Variants in DNMBP observed in about 807,000 individuals in gnomAD.
The protein encoded by DNMBP is dynamin-binding protein.
A neutral mutation model predicts 150.0 loss-of-function variants in DNMBP; 87 were observed. The observed-to-expected ratio is 0.58, with a 90% CI of 0.49 to 0.69. DNMBP has a LOEUF of 0.69. Among genes scored for constraint, DNMBP ranks in the 30% least tolerant of loss-of-function variants. DNMBP has a pLI of 0.00. For missense variants in DNMBP, 1,774 were observed against 1,949.0 expected (o/e 0.91, Z 1.69); for synonymous variants, 711 against 750.4 (o/e 0.95, Z 0.86).
chr10:99,886,150 C>G, intron 13 of DNMBP, 150 bp downstream of exon 13: 4 of 757,912 alleles, frequency 5.3e-6, no homozygotes, highest in Non-Finnish European at 8.3e-6. Context: ...ATGACACCAT[C>G]AAGGGATTAA....
At chr10:99,878,071 C>T (rs1590204543) in intron 16 of DNMBP, among the ~76,000 whole-genome samples, 1 of 152,228 alleles carries the variant, frequency 6.6e-6, no homozygotes, top group Non-Finnish European at 1.5e-5. Context: ...CCACTGCACT[C>T]CAGCCTGGGC....
intron 4 of DNMBP, chr10:99,930,484 G>C: frequency 1.4e-6 from 1 of 702,872 alleles, no homozygotes. Context: ...TGACCTCCGT[G>C]GTACACACAG....
intron 7 of DNMBP, among the ~76,000 whole-genome samples, chr10:99,899,156 T>A (rs1300277415): frequency 6.6e-6 from 1 of 150,596 alleles, no homozygotes; most frequent in Non-Finnish European, 1.5e-5. Flanking sequence ...ACCACTGCAT[T>A]CCAGCCTGGA....
intron 3 of DNMBP, 109 bp from the exon 4 acceptor site, chr10:99,957,314 T>G: frequency 2.1e-6 from 2 of 947,784 alleles, no homozygotes; most frequent in Admixed American, 5.2e-5. Flanking sequence ...TTCAAGGAAA[T>G]ACACCTAGAG....
intron 11 of DNMBP, among the ~76,000 whole-genome samples, chr10:99,893,561 C>A (rs2039607901): frequency 6.6e-6 from 1 of 152,196 alleles, no homozygotes; most frequent in Non-Finnish European, 1.5e-5. Flanking sequence ...TGATGACACC[C>A]CGTCTCTATT....
At chr10:99,921,704 A>T (rs2040024174) in intron 4 of DNMBP, among the ~76,000 whole-genome samples, 1 of 151,626 alleles carries the variant, frequency 6.6e-6, no homozygotes, top group Non-Finnish European at 1.5e-5. Context: ...AAAAAAAAAA[A>T]AATACAAAAA....
intron 12 of DNMBP, among the ~76,000 whole-genome samples, chr10:99,887,742 C>A (rs1191579924): frequency 6.6e-6 from 1 of 152,110 alleles, no homozygotes; most frequent in Non-Finnish European, 1.5e-5. Context: ...ACTATCAAAC[C>A]CCATCCAGTT....
chr10:99,950,111 C>T (rs185399692), intron 4 of DNMBP, among the ~76,000 whole-genome samples: 61 of 152,220 alleles, frequency 4.0e-4, no homozygotes, highest in African/African-American at 1.4e-3. Context: ...CAGGTCTTTC[C>T]TGTGCTGTTC....
intron 13 of DNMBP, 116 bp from the exon 14 acceptor site, chr10:99,885,982 T>C: frequency 9.5e-7 from 1 of 1,050,544 alleles, no homozygotes; most frequent in East Asian, 2.6e-5. Context: ...TTAGAACCAC[T>C]GGAAGCTAAA....
chr10:99,913,215 C>A (rs1375423521), intron 4 of DNMBP, among the ~76,000 whole-genome samples: 1 of 152,082 alleles, frequency 6.6e-6, no homozygotes, highest in African/African-American at 2.4e-5. Flanking sequence ...GAAAAAGAAG[C>A]TTTGAATCTT....
chr10:99,909,620 T>C (rs1375957404), intron 4 of DNMBP, among the ~76,000 whole-genome samples: 2 of 152,128 alleles, frequency 1.3e-5, no homozygotes, highest in Non-Finnish European at 2.9e-5. Context: ...AATAAGAAAT[T>C]ATCCATCTGA....
At position 99,975,359 on chromosome 10, in the gene DNMBP, C is replaced by CA. The variant is rs5787365; in HGVS notation, c.-10-3226dup. ...GGGCAACAAGAGCAAAACTATGTCT[C>CA]AAAAAAAAAAAAAATTATATCCAAG... is the stretch of plus-strand genomic sequence containing the variant. On this transcript the variant is annotated intron_variant, in intron 1 of 16. Coordinates refer to ENST00000324109, the MANE Select transcript of DNMBP (RefSeq NM_015221.4). 7.7e-4 allele frequency among the ~76,000 whole-genome samples: 107 copies of CA among 139,556 alleles called. 1 individual carries two copies. The highest frequency in any genetic ancestry group is 2.5e-3 in the South Asian group (11 of 4,376). The allele number at this position is 139,556 out of a possible 152,430, so 91.6% of individuals were successfully genotyped here.
intron 1 of DNMBP, among the ~76,000 whole-genome samples, chr10:99,998,788 A>T (rs1026287133): frequency 2.6e-5 from 4 of 152,096 alleles, no homozygotes; most frequent in African/African-American, 9.7e-5. Flanking sequence ...ATAAAAGGGA[A>T]TCCTATTTTT....
At chr10:99,961,789 A>G (rs1398704880) in intron 3 of DNMBP, among the ~76,000 whole-genome samples, 6 of 149,592 alleles carry the variant, frequency 4.0e-5, no homozygotes, top group African/African-American at 1.5e-4. Context: ...TCCTATTCTT[A>G]TTACCCAAAA....
At chr10:99,880,997 G>T (rs551068921) in intron 15 of DNMBP, among the ~76,000 whole-genome samples, 1 of 152,214 alleles carries the variant, frequency 6.6e-6, no homozygotes, top group South Asian at 2.1e-4. Flanking sequence ...TGGCTGAGGA[G>T]GGCAGATCAC....
intron 1 of DNMBP, among the ~76,000 whole-genome samples, chr10:100,001,233 TAAAAAAAAAAAAAAAAAAAAAAA>T (rs71009800): frequency 0.32 from 7,011 of 21,710 alleles, 590 homozygotes; most frequent in East Asian, 0.58. Context: ...TCCGTCTCAT[TAAAAAAAAAAAAAAAAAAAAAAA>T]AAAAAAAAAA....
At chr10:99,961,408 G>A (rs1333308797) in intron 3 of DNMBP, among the ~76,000 whole-genome samples, 1 of 142,320 alleles carries the variant, frequency 7.0e-6, no homozygotes, top group African/African-American at 2.6e-5. Context: ...CTAAGTAGCT[G>A]AGACTACAGG....
In DNMBP at chr10:99,909,291, G is replaced by A. The variant is rs79636449; in HGVS notation, c.2261-145C>T. 1.5e-3 allele frequency: 968 copies of A among 652,020 alleles called. 7 individuals are homozygous for A. The African/African-American group carries it at 0.015, about 10-fold the overall frequency. The allele number at this position is 652,020 out of a possible 1,614,324, so 40.4% of individuals were successfully genotyped here. On this transcript the variant is annotated intron_variant, in intron 4 of 16. Coordinates refer to ENST00000324109, the MANE Select transcript of DNMBP (RefSeq NM_015221.4). ...GGAAATCAGATCGCACATGTCAGTT[G>A]TAAACAGGGACAGCTGAAGCGCTTA...
At chr10:99,938,225 TTGTAGGTAAGGA>T (rs1427254333) in intron 4 of DNMBP, among the ~76,000 whole-genome samples, 2 of 152,156 alleles carry the variant, frequency 1.3e-5, no homozygotes, top group African/African-American at 4.8e-5. Flanking sequence ...GAGGACTAAA[TTGTAGGTAAGGA>T]TCCTAGTTAT....
Sources: gnomAD v4.1 joint callset for allele counts (sites outside exome capture counted in the v4.1 genomes callset) on GRCh38, gnomAD v4.1.1 for gene constraint, MANE v1.5 for transcripts, NCBI Gene and HGNC (gene_info 2026-07-23, HGNC 2026-07-21) for gene names.